The following ATRNL1 variants were observed in gnomAD, a reference collection of about 807,000 sequenced individuals.
ATRNL1 encodes the protein attractin like 1.
A neutral mutation model predicts 182.7 loss-of-function variants in ATRNL1; 95 were observed. That is an observed-to-expected ratio of 0.52 (90% CI 0.44 to 0.62). ATRNL1 has a LOEUF of 0.62. ATRNL1 is among the 20% of genes least tolerant of loss of function. The pLI is 0.00. For synonymous variants in ATRNL1, 576 were observed against 568.3 expected (o/e 1.01, Z -0.19); for missense variants, 1,471 against 1,679.5 (o/e 0.88, Z 2.17).
intron 28 of ATRNL1, among the ~76,000 whole-genome samples, chr10:115,866,841 T>A (rs1302156968): frequency 6.6e-6 from 1 of 152,206 alleles, no homozygotes; most frequent in Non-Finnish European, 1.5e-5. Flanking sequence ...CCCAGAGCAC[T>A]TCAGATTCAA....
intron 20 of ATRNL1, among the ~76,000 whole-genome samples, chr10:115,409,462 G>A (rs1383024573): frequency 1.3e-5 from 2 of 152,096 alleles, no homozygotes; most frequent in East Asian, 3.9e-4. Flanking sequence ...AAATAATAGT[G>A]TTTTGGGAGA....
At chr10:115,230,006 C>T (rs1554899602) in intron 9 of ATRNL1, among the ~76,000 whole-genome samples, 1 of 152,150 alleles carries the variant, frequency 6.6e-6, no homozygotes, top group East Asian at 1.9e-4. Flanking sequence ...TTATCCCCCT[C>T]CATTATTCTT....
intron 26 of ATRNL1, among the ~76,000 whole-genome samples, chr10:115,663,224 A>G (rs1462135258): frequency 2.6e-5 from 4 of 152,102 alleles, no homozygotes; most frequent in East Asian, 3.9e-4. Context: ...CAAAGAATTT[A>G]GATAACTTGA....
chr10:115,233,748 T>C (rs1221581247), intron 9 of ATRNL1, among the ~76,000 whole-genome samples: 1 of 152,018 alleles, frequency 6.6e-6, no homozygotes, highest in Non-Finnish European at 1.5e-5. Flanking sequence ...CAAAGGCTGT[T>C]TTAGGAATGA....
At chr10:115,742,448 T>C (rs1210434651) in intron 27 of ATRNL1, among the ~76,000 whole-genome samples, 1 of 152,166 alleles carries the variant, frequency 6.6e-6, no homozygotes, top group Non-Finnish European at 1.5e-5. Context: ...TTTTTCACGA[T>C]AATTGAGAAG....
At chr10:115,877,353 C>T (rs1436117462) in intron 28 of ATRNL1, among the ~76,000 whole-genome samples, 2 of 152,192 alleles carry the variant, frequency 1.3e-5, no homozygotes, top group African/African-American at 4.8e-5. Flanking sequence ...CTCCCTGAAC[C>T]TGATCAGGCC....
intron 26 of ATRNL1, among the ~76,000 whole-genome samples, chr10:115,558,867 AC>A (rs781791650): frequency 4.0e-5 from 6 of 151,670 alleles, no homozygotes; most frequent in Non-Finnish European, 7.4e-5. Flanking sequence ...CTCCCTTCCT[AC>A]CCCCTTCTAG....
chr10:115,762,515 T>TA (rs1948757930), intron 27 of ATRNL1, among the ~76,000 whole-genome samples: 1 of 152,190 alleles, frequency 6.6e-6, no homozygotes, highest in African/African-American at 2.4e-5. Flanking sequence ...ACTCAGTATT[T>TA]AAAAAATAAT....
intron 8 of ATRNL1, among the ~76,000 whole-genome samples, chr10:115,176,753 G>C (rs1554886781): frequency 6.6e-6 from 1 of 152,088 alleles, no homozygotes; most frequent in African/African-American, 2.4e-5. Flanking sequence ...ATGTCAAAGA[G>C]AAAATGTCAA....
chr10:115,409,416 C>G (rs1390788289), intron 20 of ATRNL1, among the ~76,000 whole-genome samples: 5 of 151,966 alleles, frequency 3.3e-5, no homozygotes, highest in African/African-American at 1.2e-4. Context: ...GATTTTGTAA[C>G]CTACAAGTTT....
chr10:115,896,454 G>A (rs185777321), intron 28 of ATRNL1, among the ~76,000 whole-genome samples: 15 of 152,218 alleles, frequency 9.9e-5, no homozygotes, highest in Admixed American at 3.3e-4. Context: ...CAAAGATAGC[G>A]CAGTAAAAGG....
At chr10:115,267,242 TAA>T (rs1554911146) in intron 12 of ATRNL1, among the ~76,000 whole-genome samples, 1 of 150,622 alleles carries the variant, frequency 6.6e-6, no homozygotes, top group African/African-American at 2.4e-5. Context: ...ATTTTATATA[TAA>T]CATTGTCATA....
chr10:115,251,332 C>T (rs954189554), intron 10 of ATRNL1, among the ~76,000 whole-genome samples: 4 of 152,130 alleles, frequency 2.6e-5, no homozygotes, highest in Admixed American at 6.5e-5. Context: ...CAGAGGCTTC[C>T]ACTGTGAGAA....
At chr10:115,291,297 T>C (rs1401619756) in intron 15 of ATRNL1, among the ~76,000 whole-genome samples, 1 of 152,196 alleles carries the variant, frequency 6.6e-6, no homozygotes, top group Non-Finnish European at 1.5e-5. Context: ...TTTGGATGTC[T>C]TTTATTTCTT....
intron 26 of ATRNL1, among the ~76,000 whole-genome samples, chr10:115,711,558 G>A (rs571132425): frequency 2.0e-5 from 3 of 152,278 alleles, no homozygotes; most frequent in East Asian, 1.9e-4. Flanking sequence ...TAACCATAAA[G>A]CCTGTGGTCA....
At chr10:115,447,468 A>G (rs1167059439) in intron 21 of ATRNL1, among the ~76,000 whole-genome samples, 4 of 150,976 alleles carry the variant, frequency 2.6e-5, no homozygotes, top group African/African-American at 9.8e-5. Context: ...AGTACCTTTA[A>G]TTTGTTAGCT....
At position 115,210,292 on chromosome 10, in the gene ATRNL1, A is replaced by G. The variant is rs143236510; in HGVS notation, c.1349-5405A>G. 4.1e-3 allele frequency among the ~76,000 whole-genome samples: 621 copies of G among 152,134 alleles called. 2 individuals are homozygous for G. Among genetic ancestry groups the G allele is most frequent in the African/African-American group, 0.013 (542 of 41,554 alleles). On this transcript the variant is annotated intron_variant, in intron 8 of 28. Transcript: ENST00000355044. ...TAACATCCTAAGTCTAGATACTGAC[A>G]TGGATATAATCCTATGATCTTACTT... is the stretch of plus-strand genomic sequence containing the variant.
intron 26 of ATRNL1, among the ~76,000 whole-genome samples, chr10:115,691,448 G>C (rs1352550506): frequency 6.6e-6 from 1 of 152,156 alleles, no homozygotes; most frequent in African/African-American, 2.4e-5. Flanking sequence ...CAGGCCAGGC[G>C]TGATGGCTCA....
At chr10:115,192,954 G>T (rs535419475) in intron 8 of ATRNL1, among the ~76,000 whole-genome samples, 88 of 151,956 alleles carry the variant, frequency 5.8e-4, no homozygotes, top group African/African-American at 2.0e-3. Flanking sequence ...ATGTTTATCG[G>T]TTCCAGTAGT....
Sources: gnomAD v4.1 joint callset for allele counts (sites outside exome capture counted in the v4.1 genomes callset) on GRCh38, gnomAD v4.1.1 for gene constraint, MANE v1.5 for transcripts, NCBI Gene and HGNC (gene_info 2026-07-23, HGNC 2026-07-21) for gene names.